ITGA1: variants seen among roughly 807,000 people sequenced by gnomAD.
ITGA1 encodes the protein integrin subunit alpha 1, also known as integrin alpha-1.
Under a neutral mutation model 145.9 loss-of-function variants are expected in ITGA1, and 85 were observed. The observed-to-expected ratio is 0.58, with a 90% CI of 0.49 to 0.70. ITGA1 has a LOEUF of 0.70. Among genes scored for constraint, ITGA1 ranks in the 30% least tolerant of loss-of-function variants. The probability of loss-of-function intolerance (pLI) is 0.00; values close to 1 mark genes in which losing one functional copy is unlikely to be tolerated. For missense variants in ITGA1, 1,351 were observed against 1,418.7 expected (o/e 0.95, Z 0.77); for synonymous variants, 520 against 495.3 (o/e 1.05, Z -0.66).
At chr5:52,834,560 G>GAGAAAGAGAGAAGAAAGAAAGAA (rs1554042399) in intron 1 of ITGA1, among the ~76,000 whole-genome samples, 1 of 130,804 alleles carries the variant, frequency 7.6e-6, no homozygotes, top group South Asian at 2.4e-4. Context: ...GAAAGAGAGA[G>GAGAAAGAGAGAAGAAAGAAAGAA]AGAAAGAGAG....
At chr5:52,864,874 T>A in intron 4 of ITGA1, 23 bp downstream of exon 4, 1 of 1,564,370 alleles carries the variant, frequency 6.4e-7, no homozygotes, top group Non-Finnish European at 8.8e-7. Flanking sequence ...AGAATGATAT[T>A]TATTGACAAC....
chr5:52,805,121 A>G (rs1201700577), intron 1 of ITGA1, among the ~76,000 whole-genome samples: 1 of 152,190 alleles, frequency 6.6e-6, no homozygotes, highest in Non-Finnish European at 1.5e-5. Context: ...GAAACTTTAT[A>G]GAGCAAGGAC....
chr5:52,801,792 T>G (rs1748493964), intron 1 of ITGA1: 1 of 1,613,466 alleles, frequency 6.2e-7, no homozygotes, highest in Non-Finnish European at 8.5e-7. Flanking sequence ...GCTTCCCTGT[T>G]CCCGAACTTT....
rs528507762 is a variant in ITGA1, at chr5:52,953,127, T to C, written c.*676T>C. 6.6e-6 allele frequency: 1 copy of C among 152,148 alleles called. No homozygotes were observed. Among genetic ancestry groups the C allele is most frequent in the Non-Finnish European group, 1.5e-5 (1 of 68,036 alleles). 9.4% of individuals were successfully genotyped at this position (152,148 alleles called of 1,614,324 possible). A position where few individuals can be genotyped will look rare whatever the true frequency, so the allele number is the denominator to read the frequency against. ...CAGGATAGACTCGTTTAAAAACAAG[T>C]ATATTAAATGGGTTAAATTAAGCTT... On this transcript the variant is annotated 3_prime_UTR_variant, in exon 29 of 29. Transcript: ENST00000282588.
chr5:52,898,669 C>A (rs990246770), intron 11 of ITGA1, among the ~76,000 whole-genome samples: 4 of 152,002 alleles, frequency 2.6e-5, no homozygotes, highest in African/African-American at 9.7e-5. Context: ...TGTCTGGTAT[C>A]AACTTTAACT....
chr5:52,919,882 TATAA>T (rs1285083278), intron 16 of ITGA1, among the ~76,000 whole-genome samples: 19 of 152,274 alleles, frequency 1.2e-4, no homozygotes, highest in East Asian at 5.8e-4. Context: ...TCATTTTATA[TATAA>T]ATAGATTAAA....
intron 14 of ITGA1, among the ~76,000 whole-genome samples, chr5:52,911,808 A>G (rs1292993126): frequency 7.3e-6 from 1 of 136,888 alleles, no homozygotes; most frequent in Admixed American, 7.7e-5. Flanking sequence ...TATATACTAT[A>G]TATGGTGTAT....
intron 2 of ITGA1, among the ~76,000 whole-genome samples, chr5:52,858,225 C>T (rs570918014): frequency 9.2e-5 from 14 of 152,226 alleles, no homozygotes; most frequent in African/African-American, 3.1e-4. Flanking sequence ...TCATTGGTTC[C>T]CAACTTCCCC....
At chr5:52,888,413 C>A (rs1050146956) in intron 8 of ITGA1, among the ~76,000 whole-genome samples, 1 of 152,196 alleles carries the variant, frequency 6.6e-6, no homozygotes, top group Admixed American at 6.5e-5. Flanking sequence ...GGCTTCCCTT[C>A]CCCGTCTGAG....
chr5:52,840,185 A>G (rs754561965), intron 1 of ITGA1, among the ~76,000 whole-genome samples: 5 of 152,248 alleles, frequency 3.3e-5, no homozygotes, highest in Non-Finnish European at 7.3e-5. Context: ...AATAAAATTC[A>G]TGGAAAATAT....
At position 52,818,700 on chromosome 5, in the gene ITGA1, T is replaced by C. The variant is rs28694494; in HGVS notation, c.61+30286T>C. ...AGAATGCTAATTTCTTTTTTTGTCATAGTAACAGAGCAAGCCAACTTAATC... is the reference window on the plus strand; with the variant it reads ...AGAATGCTAATTTCTTTTTTTGTCACAGTAACAGAGCAAGCCAACTTAATC... On this transcript the variant is annotated intron_variant, in intron 1 of 28. Coordinates refer to ENST00000282588, the MANE Select transcript of ITGA1 (RefSeq NM_181501.2). Among the ~76,000 whole-genome samples the C allele has an allele frequency of 6.6e-3, 999 of 152,316 alleles. 12 individuals carry two copies. The highest frequency in any genetic ancestry group is 0.023 in the African/African-American group (966 of 41,578).
chr5:52,855,716 C>T (rs1749502197), intron 2 of ITGA1, among the ~76,000 whole-genome samples: 2 of 152,096 alleles, frequency 1.3e-5, no homozygotes, highest in African/African-American at 4.8e-5. Context: ...TCTGTAAACC[C>T]TATGCTAATA....
intron 1 of ITGA1, among the ~76,000 whole-genome samples, chr5:52,817,348 A>G (rs1748793749): frequency 6.6e-6 from 1 of 152,212 alleles, no homozygotes; most frequent in Admixed American, 6.5e-5. Context: ...AGCCTCATTT[A>G]TAAAGGAGGG....
At chr5:52,934,891 A>G (rs1046061559) in intron 23 of ITGA1, among the ~76,000 whole-genome samples, 1 of 152,008 alleles carries the variant, frequency 6.6e-6, no homozygotes, top group East Asian at 1.9e-4. Context: ...TAGAATTCCT[A>G]TGACAATTTA....
intron 2 of ITGA1, among the ~76,000 whole-genome samples, chr5:52,849,929 A>G (rs1278442718): frequency 1.3e-5 from 2 of 152,086 alleles, no homozygotes; most frequent in African/African-American, 2.4e-5. Flanking sequence ...TCTAATGTTT[A>G]TAATGAACTT....
At chr5:52,871,139 A>G (rs1282709619) in intron 6 of ITGA1, among the ~76,000 whole-genome samples, 1 of 152,196 alleles carries the variant, frequency 6.6e-6, no homozygotes, top group African/African-American at 2.4e-5. Flanking sequence ...AGTAGGAGAG[A>G]AGATTTAACT....
intron 16 of ITGA1, 52 bp from the exon 17 acceptor site, chr5:52,920,280 A>C: frequency 7.2e-7 from 1 of 1,382,296 alleles, no homozygotes; most frequent in Non-Finnish European, 9.9e-7. Context: ...GTACAATATG[A>C]GAATCACTTC....
chr5:52,802,053 G>C, intron 1 of ITGA1: 1 of 471,626 alleles, frequency 2.1e-6, no homozygotes, highest in Non-Finnish European at 3.8e-6. Context: ...CTACCATCTT[G>C]ATTAAATTGT....
At chr5:52,885,459 A>C (rs1224815895) in intron 7 of ITGA1, among the ~76,000 whole-genome samples, 1 of 152,228 alleles carries the variant, frequency 6.6e-6, no homozygotes, top group Non-Finnish European at 1.5e-5. Flanking sequence ...TAAAGACCAT[A>C]TATTAGAACA....
Sources: gnomAD v4.1 joint callset for allele counts (sites outside exome capture counted in the v4.1 genomes callset) on GRCh38, gnomAD v4.1.1 for gene constraint, MANE v1.5 for transcripts, NCBI Gene and HGNC (gene_info 2026-07-23, HGNC 2026-07-21) for gene names.